Variants in PCDHA1 observed in about 807,000 individuals in gnomAD.
The protein encoded by PCDHA1 is protocadherin alpha 1.
A neutral mutation model predicts 61.3 loss-of-function variants in PCDHA1; 42 were observed. That is an observed-to-expected ratio of 0.69 (90% confidence interval 0.54 to 0.89). PCDHA1 has a LOEUF of 0.89. Ranked by LOEUF, PCDHA1 falls within the 40% of genes least tolerant of loss-of-function variation. PCDHA1 has a pLI of 0.00. For synonymous variants in PCDHA1, 610 were observed against 553.8 expected, an observed-to-expected ratio of 1.10 and a Z score of -1.43; for missense variants, 1,256 against 1,235.3, an observed-to-expected ratio of 1.02 and a Z score of -0.25.
intron 1 of PCDHA1, among the ~76,000 whole-genome samples, chr5:140,933,721 C>G (rs957167505): frequency 6.6e-6 from 1 of 151,982 alleles, no homozygotes; most frequent in Non-Finnish European, 1.5e-5. Flanking sequence ...ATTGGTGATA[C>G]AGCTTTCTTA....
chr5:140,796,251 C>A (rs1762055119), intron 1 of PCDHA1: 1 of 1,614,012 alleles, frequency 6.2e-7, no homozygotes, highest in Non-Finnish European at 8.5e-7. Context: ...CCGCACGGGA[C>A]GGGGGCTCGC....
chr5:140,973,481 G>A (rs537904841), intron 1 of PCDHA1, among the ~76,000 whole-genome samples: 2 of 152,208 alleles, frequency 1.3e-5, no homozygotes, highest in East Asian at 3.9e-4. Context: ...ATTTCATATT[G>A]GTCACAGGAC....
At chr5:141,006,528 T>A (rs1161709459) in intron 3 of PCDHA1, among the ~76,000 whole-genome samples, 1 of 152,092 alleles carries the variant, frequency 6.6e-6, no homozygotes, top group African/African-American at 2.4e-5. Context: ...ACATCAGTTT[T>A]TAAAGAGAGA....
intron 1 of PCDHA1, chr5:140,801,462 C>T (rs781900612): frequency 2.5e-6 from 4 of 1,614,008 alleles, no homozygotes; most frequent in South Asian, 2.2e-5. Flanking sequence ...TGTGAATTCT[C>T]GGATAGACCG....
At chr5:140,856,326 A>G in intron 1 of PCDHA1, 1 of 1,598,548 alleles carries the variant, frequency 6.3e-7, no homozygotes, top group Non-Finnish European at 8.6e-7. Context: ...GACCGCGAGG[A>G]GCTGTGCGGG....
chr5:140,968,657 G>T (rs782383428), intron 1 of PCDHA1: 16 of 1,614,142 alleles, frequency 9.9e-6, no homozygotes, highest in Non-Finnish European at 1.4e-5. Flanking sequence ...TTCTGACCTG[G>T]ACCTCTTTAA....
At chr5:140,922,391 G>T (rs1354789717) in intron 1 of PCDHA1, among the ~76,000 whole-genome samples, 1 of 152,182 alleles carries the variant, frequency 6.6e-6, no homozygotes, top group Non-Finnish European at 1.5e-5. Context: ...AAGACTCCTT[G>T]TTTTGGATTA....
intron 3 of PCDHA1, among the ~76,000 whole-genome samples, chr5:140,999,595 C>T (rs1232390404): frequency 1.3e-5 from 2 of 152,148 alleles, no homozygotes; most frequent in East Asian, 3.9e-4. Flanking sequence ...GCCTTCCCTA[C>T]ATCCTGGGGG....
intron 1 of PCDHA1, chr5:140,883,262 G>A (rs1211665444): frequency 6.2e-7 from 1 of 1,613,838 alleles, no homozygotes; most frequent in Non-Finnish European, 8.5e-7. Context: ...TCCAATGGCG[G>A]GTCATTGTAC....
intron 3 of PCDHA1, among the ~76,000 whole-genome samples, chr5:141,002,946 G>A (rs2098104148): frequency 6.6e-6 from 1 of 152,180 alleles, no homozygotes; most frequent in African/African-American, 2.4e-5. Flanking sequence ...TCCAGCACAT[G>A]CCCCTCTGAG....
chr5:140,877,822 TTAAA>T, intron 1 of PCDHA1: 1 of 1,603,218 alleles, frequency 6.2e-7, no homozygotes, highest in East Asian at 2.2e-5. Flanking sequence ...AGAAGATTGT[TTAAA>T]TCCTCCCAGT....
chr5:140,821,812 C>T, intron 1 of PCDHA1: 1 of 1,613,776 alleles, frequency 6.2e-7, no homozygotes, highest in Non-Finnish European at 8.5e-7. Context: ...GGGATCCCGG[C>T]TCCTGCTGCT....
Position 140,843,176 on chromosome 5 carries a change from C to A in PCDHA1, c.2394+54492C>A, listed in dbSNP as rs145175505. 1.9e-6 allele frequency: 3 copies of A among 1,596,084 alleles called. 1 individual carries two copies. The highest frequency in any genetic ancestry group is 2.6e-6 in the Non-Finnish European group (3 of 1,165,610). On this transcript the variant is annotated intron_variant, in intron 1 of 3. Transcript: ENST00000504120. ...GCTGCAGCCAGCTGCAAGCAGCCCT[C>A]GCATCCCGTTCCGCGTGGGGCTGTA...
At chr5:140,948,784 T>C (rs1486580473) in intron 1 of PCDHA1, among the ~76,000 whole-genome samples, 6 of 151,646 alleles carry the variant, frequency 4.0e-5, no homozygotes, top group African/African-American at 1.4e-4. Flanking sequence ...CTTTTGGCTT[T>C]GTTGATATAT....
rs2150241896 is a variant in PCDHA1 at position 140,835,685 on chromosome 5, T to A, written c.2394+47001T>A. ...CCGCGCGGGACGGGGGCTCGCCTTC[T>A]CTGTGGGCCACTGCTAGCGTGTCCG... On this transcript the variant is annotated intron_variant, in intron 1 of 3. Transcript: ENST00000504120. 6.8e-6 allele frequency: 11 copies of A among 1,613,764 alleles called. No individual in the cohort carries two copies. The East Asian group carries it at 1.8e-4, about 26-fold the overall frequency.
intron 1 of PCDHA1, chr5:140,868,003 A>C (rs1166493353): frequency 6.6e-6 from 1 of 152,130 alleles, no homozygotes; most frequent in South Asian, 2.1e-4. Context: ...AATATAACTG[A>C]ATTAGATTAA....
intron 1 of PCDHA1, chr5:140,829,492 C>G (rs1770340473): frequency 1.2e-6 from 2 of 1,613,578 alleles, no homozygotes; most frequent in Non-Finnish European, 1.7e-6. Flanking sequence ...TGAAGGAGAA[C>G]AACCCGCCGG....
chr5:140,999,934 T>C (rs1236304987), intron 3 of PCDHA1, among the ~76,000 whole-genome samples: 1 of 152,068 alleles, frequency 6.6e-6, no homozygotes, highest in Non-Finnish European at 1.5e-5. Context: ...GCTCAACTCA[T>C]TCCACCCAAA....
Position 140,858,084 on chromosome 5 carries a change from C to T in PCDHA1, c.2394+69400C>T, listed in dbSNP as rs781886260. 2 of 1,597,664 alleles carry T rather than the reference C, an allele frequency of 1.3e-6. No homozygotes were observed. Among genetic ancestry groups the T allele is most frequent in the Admixed American group, 1.7e-5 (1 of 59,290 alleles). ...GGCAGCCAGGCACCCAAGGCCTCGT[C>T]GCGGGCTTCAGTGGGCGTGGCGCCC... is the stretch of plus-strand genomic sequence containing the variant. On this transcript the variant is annotated intron_variant, in intron 1 of 3. Transcript: ENST00000504120.
Sources: allele counts gnomAD v4.1 joint callset (sites outside exome capture counted in the v4.1 genomes callset), GRCh38; gene constraint gnomAD v4.1.1; transcripts MANE v1.5; gene names NCBI Gene and HGNC (gene_info 2026-07-23, HGNC 2026-07-21).